KLHDC4: variants seen among roughly 807,000 people sequenced by gnomAD.
KLHDC4 encodes the protein kelch domain-containing protein 4.
In KLHDC4, 90 loss-of-function variants were observed where a neutral mutation model predicts 62.4. That is an observed-to-expected ratio of 1.44 (90% CI 1.22 to 1.72). The LOEUF is 1.72. Among genes scored for constraint, KLHDC4 ranks in the 40% most tolerant of loss-of-function variants. KLHDC4 has a pLI of 0.00. For missense variants in KLHDC4, 1,025 were observed against 699.7 expected (o/e 1.47, Z -5.25); for synonymous variants, 386 against 284.4 (o/e 1.36, Z -3.59).
intron 5 of KLHDC4, among the ~76,000 whole-genome samples, chr16:87,737,204 G>C (rs1273673487): frequency 6.6e-6 from 1 of 151,386 alleles, no homozygotes; most frequent in Admixed American, 6.6e-5. Context: ...TTGAACCAAG[G>C]TGTTCTGGCT....
intron 2 of KLHDC4, 133 bp downstream of exon 2, chr16:87,761,816 G>C (rs1050209037): frequency 5.7e-6 from 5 of 883,214 alleles, no homozygotes; most frequent in African/African-American, 3.4e-5. Context: ...AGCAGAAAGT[G>C]ACCAAGAACA....
intron 1 of KLHDC4, among the ~76,000 whole-genome samples, chr16:87,763,857 G>A (rs963969124): frequency 1.3e-5 from 2 of 152,162 alleles, no homozygotes; most frequent in African/African-American, 2.4e-5. Context: ...CCTCTCCAAA[G>A]TGACAATAAG....
At chr16:87,765,475 C>T (rs1267652303) in intron 1 of KLHDC4, 1 of 502,940 alleles carries the variant, frequency 2.0e-6, no homozygotes, top group African/African-American at 1.9e-5. Flanking sequence ...CCCAGCCTCC[C>T]TTCAGAGGGA....
At chr16:87,751,853 C>T (rs2044002315) in intron 4 of KLHDC4, among the ~76,000 whole-genome samples, 1 of 151,446 alleles carries the variant, frequency 6.6e-6, no homozygotes, top group Non-Finnish European at 1.5e-5. Context: ...GCGGGCGGAT[C>T]ACGAGGCCAG....
At chr16:87,759,219 T>A (rs1024828939) in intron 2 of KLHDC4, among the ~76,000 whole-genome samples, 4 of 150,746 alleles carry the variant, frequency 2.7e-5, no homozygotes, top group African/African-American at 9.8e-5. Context: ...GCAAATTTTG[T>A]TAAACATTTT....
At chr16:87,750,572 G>C (rs2043774017) in intron 4 of KLHDC4, among the ~76,000 whole-genome samples, 1 of 152,226 alleles carries the variant, frequency 6.6e-6, no homozygotes, top group African/African-American at 2.4e-5. Context: ...GACGAAGAAT[G>C]GTTCCACACA....
chr16:87,764,694 C>T (rs2046361800), intron 1 of KLHDC4, among the ~76,000 whole-genome samples: 2 of 139,214 alleles, frequency 1.4e-5, no homozygotes, highest in Admixed American at 1.5e-4. Flanking sequence ...CAGCTAACAG[C>T]TGGTTACTGA....
chr16:87,752,490 C>A (rs12918007), intron 4 of KLHDC4, among the ~76,000 whole-genome samples: 2 of 151,930 alleles, frequency 1.3e-5, no homozygotes, highest in African/African-American at 2.4e-5. Context: ...GCACGCGCCA[C>A]GACGCCCAGG....
chr16:87,754,309 G>C (rs1567816318), intron 4 of KLHDC4, among the ~76,000 whole-genome samples: 3 of 152,126 alleles, frequency 2.0e-5, no homozygotes, highest in Admixed American at 2.0e-4. Flanking sequence ...TCAGGCCATT[G>C]CACTCCAGCC....
Position 87,730,589 on chromosome 16 carries a change from G to T in KLHDC4, c.562C>A (p.Gln188Lys), listed in dbSNP as rs201406896. 6.2e-7 allele frequency: 1 copy of T among 1,613,046 alleles called. No homozygotes were observed. The highest frequency in any genetic ancestry group is 1.1e-5 in the South Asian group (1 of 90,734). The change falls in exon 6 of 12, where the codon CAA (glutamine) becomes AAA (lysine). Residue 188 changes from glutamine to lysine, a missense_variant. By Grantham distance (53) the Gln-to-Lys change is moderately conservative (BLOSUM62 1). Coordinates refer to ENST00000270583, the MANE Select transcript of KLHDC4 (RefSeq NM_017566.4). ...SGHRMVAWKRQLILFGGFHES... is the reference protein window; with the variant it reads ...SGHRMVAWKRKLILFGGFHES... ...TGGAAGCCACCAAACAGGATCAATT[G>T]TCTCTTCCAGGCCACCATCCGATGT...
Position 87,718,277 on chromosome 16 carries a change from C to T in KLHDC4, c.760-3704G>A, listed in dbSNP as rs72810199. 4.8e-3 allele frequency among the ~76,000 whole-genome samples: 701 copies of T among 146,620 alleles called. 5 individuals are homozygous for T. Among genetic ancestry groups the T allele is most frequent in the African/African-American group, 6.2e-3 (246 of 39,708 alleles). ...CGCAGTCTTTCCACAAAAACCGATT[C>T]GCTCTCGCTCTCCCTCTCCCTCTCC... On this transcript the variant is annotated intron_variant, in intron 7 of 11. Coordinates refer to ENST00000270583, the MANE Select transcript of KLHDC4 (RefSeq NM_017566.4).
chr16:87,724,084 C>T (rs1315270851), intron 7 of KLHDC4, among the ~76,000 whole-genome samples: 3 of 152,056 alleles, frequency 2.0e-5, no homozygotes, highest in African/African-American at 4.8e-5. Context: ...GTGATCCGCC[C>T]GACTCAGCCT....
At chr16:87,750,265 G>A (rs1341966095) in intron 4 of KLHDC4, 1 of 152,324 alleles carries the variant, frequency 6.6e-6, no homozygotes, top group African/African-American at 2.4e-5. Flanking sequence ...CTGGGGTCCA[G>A]GATGAGAAAA....
At chr16:87,765,089 G>C (rs753578797) in intron 1 of KLHDC4, 6 of 455,814 alleles carry the variant, frequency 1.3e-5, no homozygotes, top group Non-Finnish European at 2.6e-5. Context: ...GTAAAGCCCA[G>C]GGAGCTGTGC....
intron 5 of KLHDC4, among the ~76,000 whole-genome samples, chr16:87,737,590 CTTTTT>C (rs10709997): frequency 1.5e-5 from 2 of 130,402 alleles, no homozygotes; most frequent in Non-Finnish European, 1.6e-5. Context: ...ACAAATCAGT[CTTTTT>C]TTTTTTTTTT....
At chr16:87,736,341 C>T (rs1452841199) in intron 5 of KLHDC4, among the ~76,000 whole-genome samples, 2 of 152,182 alleles carry the variant, frequency 1.3e-5, no homozygotes, top group African/African-American at 2.4e-5. Flanking sequence ...TATGGTCCGT[C>T]GTGAACAGAA....
At chr16:87,755,959 C>T (rs576624517) in intron 3 of KLHDC4, 4 of 162,642 alleles carry the variant, frequency 2.5e-5, no homozygotes, top group South Asian at 3.3e-4. Flanking sequence ...GGAAGGTGAG[C>T]TCCTGCTTTT....
rs568556568 is a variant in KLHDC4, at chr16:87,731,480, G to C, written c.507-836C>G. 1.7e-3 allele frequency among the ~76,000 whole-genome samples: 265 copies of C among 151,512 alleles called. 2 individuals are homozygous for C. The highest frequency in any genetic ancestry group is 3.0e-3 in the Admixed American group (45 of 15,208). On this transcript the variant is annotated intron_variant, in intron 5 of 11. Coordinates refer to ENST00000270583, the MANE Select transcript of KLHDC4 (RefSeq NM_017566.4). ...AATGGGGGGAAAAAAGATGGAAAAA[G>C]GCCAATGAAAAAAGGAAAGATGCCC...
At chr16:87,724,968 A>G (rs936818488) in intron 7 of KLHDC4, among the ~76,000 whole-genome samples, 1 of 152,204 alleles carries the variant, frequency 6.6e-6, no homozygotes, top group African/African-American at 2.4e-5. Context: ...GTCCAACGAA[A>G]AACAGAACCA....
Sources: allele counts gnomAD v4.1 joint callset (sites outside exome capture counted in the v4.1 genomes callset), GRCh38; gene constraint gnomAD v4.1.1; transcripts MANE v1.5; gene names NCBI Gene and HGNC (gene_info 2026-07-23, HGNC 2026-07-21).